Variants in SLCO2B1 observed in about 807,000 individuals in gnomAD.
SLCO2B1 encodes the protein OATP-RP2.
A neutral mutation model predicts 67.3 loss-of-function variants in SLCO2B1; 41 were observed. The observed-to-expected ratio is 0.61, with a 90% CI of 0.47 to 0.79. SLCO2B1 has a LOEUF of 0.79. Ranked by LOEUF, SLCO2B1 falls within the 30% of genes least tolerant of loss-of-function variation. The pLI is 0.00. For missense variants in SLCO2B1, 837 were observed against 920.1 expected (o/e 0.91, Z 1.17); for synonymous variants, 379 against 381.4 (o/e 0.99, Z 0.07).
intron 11 of SLCO2B1, 102 bp from the exon 12 acceptor site, chr11:75,202,799 G>T: frequency 1.0e-6 from 1 of 984,166 alleles, no homozygotes; most frequent in Non-Finnish European, 1.6e-6. Flanking sequence ...GGCTCTGGGT[G>T]GTGGGAGAGA....
chr11:75,192,029 T>C (rs182650657), intron 8 of SLCO2B1, among the ~76,000 whole-genome samples: 6 of 152,202 alleles, frequency 3.9e-5, no homozygotes, highest in Non-Finnish European at 5.9e-5. Flanking sequence ...TCACTTTTTT[T>C]CCTAACTCCA....
intron 1 of SLCO2B1, among the ~76,000 whole-genome samples, chr11:75,153,702 G>T (rs1287213763): frequency 6.6e-6 from 1 of 152,210 alleles, no homozygotes; most frequent in Non-Finnish European, 1.5e-5. Flanking sequence ...CAGTACCGTT[G>T]GAGGAGCGGG....
chr11:75,182,756 C>CAATG, intron 7 of SLCO2B1, among the ~76,000 whole-genome samples: 1 of 151,556 alleles, frequency 6.6e-6, no homozygotes, highest in East Asian at 1.9e-4. Flanking sequence ...AAAAAAAGTG[C>CAATG]AATGTAGACC....
At chr11:75,186,445 G>T (rs935212464) in intron 7 of SLCO2B1, among the ~76,000 whole-genome samples, 4 of 152,020 alleles carry the variant, frequency 2.6e-5, no homozygotes, top group Non-Finnish European at 4.4e-5. Flanking sequence ...CTGACCTCAG[G>T]TGATCCACTG....
At chr11:75,187,504 G>A (rs1293427455) in intron 7 of SLCO2B1, among the ~76,000 whole-genome samples, 1 of 152,178 alleles carries the variant, frequency 6.6e-6, no homozygotes, top group African/African-American at 2.4e-5. Flanking sequence ...GGTAACATTG[G>A]TGGTGATGAT....
intron 1 of SLCO2B1, among the ~76,000 whole-genome samples, chr11:75,153,203 C>G (rs1423587073): frequency 6.6e-6 from 1 of 152,222 alleles, no homozygotes; most frequent in Non-Finnish European, 1.5e-5. Flanking sequence ...GGAAGCCGTT[C>G]CAGATTCTTC....
At chr11:75,195,065 T>C (rs1236055368) in intron 9 of SLCO2B1, among the ~76,000 whole-genome samples, 2 of 152,160 alleles carry the variant, frequency 1.3e-5, no homozygotes, top group African/African-American at 2.4e-5. Context: ...CCACAGGATC[T>C]CTGTAATGGG....
intron 7 of SLCO2B1, among the ~76,000 whole-genome samples, chr11:75,184,854 C>G (rs955138179): frequency 3.3e-5 from 5 of 152,132 alleles, no homozygotes; most frequent in African/African-American, 4.8e-5. Context: ...AGCCTCCCCC[C>G]TCTACTCACA....
chr11:75,172,566 G>A lies in SLCO2B1; in HGVS notation c.969G>A (p.Arg323=), dbSNP rs1949975369. The change falls in exon 7 of 14, where the codon AGG becomes AGA. Residue 323 remains arginine, a synonymous_variant. Transcript: ENST00000289575. ...TAGCAGTCACAGACTCACCTGCCAGGAAGGTAAGCTCCCTCCATGTCACCT... is the reference window on the plus strand; with the variant it reads ...TAGCAGTCACAGACTCACCTGCCAGAAAGGTAAGCTCCCTCCATGTCACCT... The part of the protein sequence containing the change: ...KVLAVTDSPA[R]KGKDSPSKQS... 3 of 1,613,194 alleles carry A rather than the reference G, an allele frequency of 1.9e-6. No homozygotes were observed. Among genetic ancestry groups the A allele is most frequent in the Non-Finnish European group, 2.5e-6 (3 of 1,179,486 alleles).
intron 13 of SLCO2B1, 156 bp downstream of exon 13, chr11:75,203,583 C>A: frequency 1.2e-6 from 1 of 867,204 alleles, no homozygotes; most frequent in Non-Finnish European, 1.8e-6. Context: ...GTCCTTCAAG[C>A]TAAACACTGC....
intron 3 of SLCO2B1, among the ~76,000 whole-genome samples, chr11:75,164,611 G>C (rs1394344046): frequency 6.6e-6 from 1 of 152,074 alleles, no homozygotes; most frequent in Non-Finnish European, 1.5e-5. Flanking sequence ...GCTTTGGGTG[G>C]ATTTGGAGAT....
chr11:75,179,216 A>AG (rs1950064194), intron 7 of SLCO2B1, among the ~76,000 whole-genome samples: 2 of 114,676 alleles, frequency 1.7e-5, no homozygotes, highest in Non-Finnish European at 3.4e-5. Context: ...TGGATACATG[A>AG]GATTTTTTTT....
In SLCO2B1 at chr11:75,176,811, C is replaced by T. The variant is rs915588286; in HGVS notation, c.972+4242C>T. Among the ~76,000 whole-genome samples the T allele has an allele frequency of 4.6e-5, 7 of 152,182 alleles. No homozygotes were observed. In the South Asian group the frequency reaches 6.2e-4, roughly 14 times the overall value. ...GGCAGCATCTGTGAGTTCTGAGGTG[C>T]GCAGGCCTCCTAGTGCCCAGGGCCT... On this transcript the variant is annotated intron_variant, in intron 7 of 13. Transcript: ENST00000289575.
intron 9 of SLCO2B1, among the ~76,000 whole-genome samples, chr11:75,194,362 C>A (rs1396216812): frequency 6.6e-6 from 1 of 152,206 alleles, no homozygotes; most frequent in African/African-American, 2.4e-5. Flanking sequence ...GCCCAACACT[C>A]GGCTAGAATT....
intron 3 of SLCO2B1, 111 bp from the exon 4 acceptor site, chr11:75,165,676 C>A: frequency 8.2e-7 from 1 of 1,215,864 alleles, no homozygotes; most frequent in Non-Finnish European, 1.2e-6. Context: ...GATTTTTATT[C>A]AGTCCATTAT....
At position 75,196,592 on chromosome 11, in the gene SLCO2B1, C is replaced by T. The variant is rs59305495; in HGVS notation, c.1512C>T (p.Cys504=). The T allele has an allele frequency of 9.5e-5, 154 of 1,614,094 alleles. No individual in the cohort carries two copies. In the African/African-American group the frequency reaches 1.2e-3, roughly 13 times the overall value. Reference sequence around the variant, plus strand: ...CATTGGACGGCTTTAACCCTGTCTGCGACCCCAGCACTCGTGTGGAATACA... The same window carrying T: ...CATTGGACGGCTTTAACCCTGTCTGTGACCCCAGCACTCGTGTGGAATACA... ...SCPLDGFNPV[C]DPSTRVEYIT... is the part of the protein sequence containing the mutation. Residue 504 remains cysteine, a synonymous_variant, in exon 10 of 14, where the codon TGC becomes TGT. Transcript: ENST00000289575.
At chr11:75,174,813 C>T (rs548891139) in intron 7 of SLCO2B1, among the ~76,000 whole-genome samples, 78 of 152,230 alleles carry the variant, frequency 5.1e-4, no homozygotes, top group Non-Finnish European at 6.2e-4. Flanking sequence ...AGTTGAGCCA[C>T]GGGTGGGATA....
chr11:75,169,872 C>A (rs1289699503), intron 6 of SLCO2B1, 108 bp downstream of exon 6: 3 of 849,408 alleles, frequency 3.5e-6, no homozygotes, highest in Non-Finnish European at 3.9e-6. Flanking sequence ...GCACCACTGA[C>A]CTTGGGCAAG....
At chr11:75,192,831 G>A (rs1591832873) in intron 8 of SLCO2B1, among the ~76,000 whole-genome samples, 1 of 152,256 alleles carries the variant, frequency 6.6e-6, no homozygotes, top group East Asian at 1.9e-4. Context: ...GGATTACTTG[G>A]GGCCTAGGGT....
Sources: gnomAD v4.1 joint callset for allele counts (sites outside exome capture counted in the v4.1 genomes callset) on GRCh38, gnomAD v4.1.1 for gene constraint, MANE v1.5 for transcripts, NCBI Gene and HGNC (gene_info 2026-07-23, HGNC 2026-07-21) for gene names.